Variants in TMEM108 observed in about 807,000 individuals in gnomAD.
The protein encoded by TMEM108 is transmembrane protein 108, also known as cancer/testis antigen 124.
In TMEM108, 12 loss-of-function variants were observed where a neutral mutation model predicts 35.1. The ratio of observed to expected loss-of-function variants is 0.34; its 90% CI spans 0.22 to 0.55. The LOEUF is 0.55. Among genes scored for constraint, TMEM108 ranks in the 20% least tolerant of loss-of-function variants. The pLI, the probability that TMEM108 is intolerant of heterozygous loss-of-function variation, is 0.89. For missense variants in TMEM108, 680 were observed against 753.3 expected, an observed-to-expected ratio of 0.90 and a Z score of 1.14; for synonymous variants, 287 against 308.6, an observed-to-expected ratio of 0.93 and a Z score of 0.73.
intron 2 of TMEM108, among the ~76,000 whole-genome samples, chr3:133,140,316 A>G (rs1008100387): frequency 6.6e-5 from 10 of 152,238 alleles, no homozygotes; most frequent in African/African-American, 2.2e-4. Flanking sequence ...ATTATCTCCT[A>G]CGAGCCCTGC....
intron 2 of TMEM108, among the ~76,000 whole-genome samples, chr3:133,172,727 A>C (rs186695883): frequency 6.6e-6 from 1 of 152,170 alleles, no homozygotes; most frequent in Non-Finnish European, 1.5e-5. Context: ...AATCTGATTT[A>C]TTTTTATCTA....
intron 2 of TMEM108, among the ~76,000 whole-genome samples, chr3:133,112,634 T>C (rs924262989): frequency 3.9e-5 from 6 of 152,196 alleles, no homozygotes; most frequent in African/African-American, 1.4e-4. Flanking sequence ...TCAGACAATA[T>C]TAATGTACTT....
intron 2 of TMEM108, among the ~76,000 whole-genome samples, chr3:133,159,722 T>C (rs765206845): frequency 1.3e-5 from 2 of 152,222 alleles, no homozygotes; most frequent in South Asian, 2.1e-4. Context: ...AAATGACTTA[T>C]GCAAGGTCAC....
rs2073312857 is a variant in TMEM108 at position 133,396,873 on chromosome 3, A to G, written c.*887A>G. On this transcript the variant is annotated 3_prime_UTR_variant, in exon 6 of 6. Coordinates refer to ENST00000321871, the MANE Select transcript of TMEM108 (RefSeq NM_023943.4). The stretch of plus-strand genomic sequence containing the variant: ...CTTTGTTTTCTCAAAAGGCCATGGT[A>G]TCGTGCCCCTGAGGAACATGTTTAT... 1 of 152,186 alleles carries G rather than the reference A, an allele frequency of 6.6e-6. No homozygotes were observed. The highest frequency in any genetic ancestry group is 2.4e-5 in the African/African-American group (1 of 41,446). The allele number at this position is 152,186 out of a possible 1,614,324, so 9.4% of individuals were successfully genotyped here.
chr3:133,373,384 T>TGATAGATAGATAGATA (rs55867564), intron 3 of TMEM108, among the ~76,000 whole-genome samples: 4 of 136,204 alleles, frequency 2.9e-5, no homozygotes, highest in Middle Eastern at 3.3e-3. Flanking sequence ...GATAGATAGA[T>TGATAGATAGATAGATA]GATAGATAGA....
Position 133,396,309 on chromosome 3 carries a change from A to G in TMEM108, c.*323A>G, listed in dbSNP as rs1703702452. The G allele has an allele frequency of 9.0e-6, 1 of 111,230 alleles. No individual in the cohort carries two copies. Among genetic ancestry groups the G allele is most frequent in the African/African-American group, 3.3e-5 (1 of 30,346 alleles). 6.9% of individuals were successfully genotyped at this position (111,230 alleles called of 1,614,324 possible). A position where few individuals can be genotyped will look rare whatever the true frequency, so the allele number is the denominator to read the frequency against. Reference sequence around the variant, plus strand: ...GTGAGGTAAGAGACTGACCTCCTGTAGAAGCTGAATGTTACAGTGCAAGCG... The same window carrying G: ...GTGAGGTAAGAGACTGACCTCCTGTGGAAGCTGAATGTTACAGTGCAAGCG... On this transcript the variant is annotated 3_prime_UTR_variant, in exon 6 of 6. Coordinates refer to ENST00000321871, the MANE Select transcript of TMEM108 (RefSeq NM_023943.4).
At chr3:133,348,925 ACTCCAT>A (rs892711957) in intron 3 of TMEM108, among the ~76,000 whole-genome samples, 9 of 152,138 alleles carry the variant, frequency 5.9e-5, no homozygotes, top group South Asian at 2.1e-4. Context: ...ACAAAACAAA[ACTCCAT>A]AGACAAAACA....
At position 133,298,696 on chromosome 3, in the gene TMEM108, G is replaced by C. The variant is rs930564378; in HGVS notation, c.40+69345G>C. ...TCAACCATATTATGCCCATGTTACA[G>C]GTGAGGAAACCAAGGCTGAGAGGTT... On this transcript the variant is annotated intron_variant, in intron 3 of 5. Coordinates refer to ENST00000321871, the MANE Select transcript of TMEM108 (RefSeq NM_023943.4). Among the ~76,000 whole-genome samples the C allele has an allele frequency of 3.9e-5, 6 of 152,224 alleles. No individual in the cohort carries two copies. In the East Asian group the frequency reaches 5.8e-4, roughly 15 times the overall value.
intron 1 of TMEM108, among the ~76,000 whole-genome samples, chr3:133,042,956 T>A (rs1256487718): frequency 6.6e-6 from 1 of 152,240 alleles, no homozygotes; most frequent in Non-Finnish European, 1.5e-5. Context: ...ACAGCATGAA[T>A]AGCTTTGAGT....
At chr3:133,378,431 C>T (rs950609367) in intron 3 of TMEM108, 15 of 985,516 alleles carry the variant, frequency 1.5e-5, no homozygotes, top group East Asian at 1.1e-4. Flanking sequence ...GGAGGAAAGA[C>T]GCTCTGAGAG....
intron 3 of TMEM108, among the ~76,000 whole-genome samples, chr3:133,300,975 TACACACAC>T (rs66703555): frequency 0.02 from 2,574 of 130,920 alleles, 89 homozygotes; most frequent in African/African-American, 0.049. Flanking sequence ...CAGACCCCAG[TACACACAC>T]ACACACACAC....
chr3:133,366,268 G>A (rs886711084), intron 3 of TMEM108, among the ~76,000 whole-genome samples: 11 of 152,200 alleles, frequency 7.2e-5, no homozygotes, highest in African/African-American at 2.7e-4. Context: ...CTACCAGTAT[G>A]CATCTTATTG....
At chr3:133,272,220 G>A (rs142259451) in intron 3 of TMEM108, among the ~76,000 whole-genome samples, 13 of 151,558 alleles carry the variant, frequency 8.6e-5, no homozygotes, top group African/African-American at 2.9e-4. Context: ...GGGCGGAGGG[G>A]TATGTGGAGT....
intron 3 of TMEM108, among the ~76,000 whole-genome samples, chr3:133,240,476 T>G (rs1316767090): frequency 6.6e-6 from 1 of 152,200 alleles, no homozygotes; most frequent in Non-Finnish European, 1.5e-5. Flanking sequence ...GAAATTCAAT[T>G]TTATGAATTT....
chr3:133,375,827 G>A (rs2072819152), intron 3 of TMEM108, among the ~76,000 whole-genome samples: 1 of 152,178 alleles, frequency 6.6e-6, no homozygotes, highest in Non-Finnish European at 1.5e-5. Context: ...ATGTGTTCTT[G>A]GACAAGTCAC....
At chr3:133,095,280 G>A (rs1211445607) in intron 2 of TMEM108, among the ~76,000 whole-genome samples, 2 of 152,148 alleles carry the variant, frequency 1.3e-5, no homozygotes, top group African/African-American at 4.8e-5. Context: ...AAAGGTGATG[G>A]TCTCAGCCTG....
At chr3:133,048,431 A>G (rs1388326107) in intron 2 of TMEM108, among the ~76,000 whole-genome samples, 2 of 152,226 alleles carry the variant, frequency 1.3e-5, no homozygotes, top group Non-Finnish European at 2.9e-5. Context: ...AAATGTTTTA[A>G]TATGACATGT....
chr3:133,082,796 C>T (rs539032794), intron 2 of TMEM108, among the ~76,000 whole-genome samples: 1 of 152,178 alleles, frequency 6.6e-6, no homozygotes, highest in South Asian at 2.1e-4. Context: ...GGACTACAGG[C>T]AGGCACCACT....
rs1946345222 is a variant in TMEM108 at position 133,243,705 on chromosome 3, A to G, written c.40+14354A>G. 2.0e-5 allele frequency among the ~76,000 whole-genome samples: 3 copies of G among 151,850 alleles called. No individual in the cohort carries two copies. In the South Asian group the frequency reaches 6.2e-4, roughly 32 times the overall value. Reference sequence around the variant, plus strand: ...CCGGCTAATTTTTTGTACTTTTTTTAGTAGAGACGGGGTTTCACTGTGTTA... The same window carrying G: ...CCGGCTAATTTTTTGTACTTTTTTTGGTAGAGACGGGGTTTCACTGTGTTA... On this transcript the variant is annotated intron_variant, in intron 3 of 5. Transcript: ENST00000321871.
Sources: allele counts gnomAD v4.1 joint callset (sites outside exome capture counted in the v4.1 genomes callset), GRCh38; gene constraint gnomAD v4.1.1; transcripts MANE v1.5; gene names NCBI Gene and HGNC (gene_info 2026-07-23, HGNC 2026-07-21).